LAMC3: variants seen among roughly 807,000 people sequenced by gnomAD.
LAMC3 encodes laminin subunit gamma 3, also known as laminin subunit gamma-3.
In LAMC3, 128 loss-of-function variants were observed where a neutral mutation model predicts 173.8. The observed-to-expected ratio is 0.74, with a 90% CI of 0.64 to 0.85. The LOEUF is 0.85. Ranked by LOEUF, LAMC3 falls within the 40% of genes least tolerant of loss-of-function variation. The pLI, the probability that LAMC3 is intolerant of heterozygous loss-of-function variation, is 0.00. For synonymous variants in LAMC3, 897 were observed against 909.1 expected (o/e 0.99, Z 0.24); for missense variants, 2,022 against 2,156.0 (o/e 0.94, Z 1.23).
In LAMC3 at chr9:131,010,202, A is replaced by G. The variant is rs939140414; in HGVS notation, c.373+615A>G. The stretch of plus-strand genomic sequence containing the variant: ...AAGCTGGGCGTGGTGGTGCACACCT[A>G]TGGTCCCAGCTACTCAAGAGGCTGA... On this transcript the variant is annotated intron_variant, in intron 1 of 27. Coordinates refer to ENST00000361069, the MANE Select transcript of LAMC3 (RefSeq NM_006059.4). Among the ~76,000 whole-genome samples, 19 of 149,908 alleles carry G rather than the reference A, an allele frequency of 1.3e-4. 1 individual carries two copies. Among genetic ancestry groups the G allele is most frequent in the South Asian group, 4.2e-4 (2 of 4,714 alleles).
intron 11 of LAMC3, among the ~76,000 whole-genome samples, chr9:131,054,003 TA>T (rs767164633): frequency 9.6e-4 from 125 of 130,196 alleles, no homozygotes; most frequent in South Asian, 3.7e-3. Flanking sequence ...ACCTTGTCTC[TA>T]AAAAAAAAAA....
chr9:131,052,791 C>T lies in LAMC3; in HGVS notation c.1824-59C>T, dbSNP rs549755308. 1.6e-5 allele frequency: 21 copies of T among 1,295,628 alleles called. No homozygotes were observed. In the African/African-American group the frequency reaches 2.5e-4, roughly 15 times the overall value. 80.3% of individuals were successfully genotyped at this position (1,295,628 alleles called of 1,614,324 possible). A position where few individuals can be genotyped will look rare whatever the true frequency, so the allele number is the denominator to read the frequency against. Reference sequence around the variant, plus strand: ...AGTCTGGGGGGCTACCCCCCATCCCCAGGCATGGTACCCCCCCACCCTATG... The same window carrying T: ...AGTCTGGGGGGCTACCCCCCATCCCTAGGCATGGTACCCCCCCACCCTATG... On this transcript the variant is annotated intron_variant, in intron 10 of 27. Coordinates refer to ENST00000361069, the MANE Select transcript of LAMC3 (RefSeq NM_006059.4).
intron 25 of LAMC3, among the ~76,000 whole-genome samples, chr9:131,086,575 C>CTTTTTTTTTTTTTTTTTTTTTTTTT (rs778812487): frequency 2.2e-5 from 2 of 92,476 alleles, no homozygotes; most frequent in Non-Finnish European, 4.0e-5. Context: ...GCCTGGCTAA[C>CTTTTTTTTTTTTTTTTTTTTTTTTT]TTTTTTTTTT....
intron 1 of LAMC3, among the ~76,000 whole-genome samples, chr9:131,022,385 G>A (rs1007818366): frequency 4.0e-5 from 6 of 151,510 alleles, no homozygotes; most frequent in African/African-American, 9.7e-5. Flanking sequence ...CGGCCAGCCC[G>A]AAAACTGACA....
chr9:131,071,667 AGGCCCC>A, intron 18 of LAMC3, 42 bp downstream of exon 18: 1 of 1,509,786 alleles, frequency 6.6e-7, no homozygotes, highest in Non-Finnish European at 8.9e-7. Flanking sequence ...AGGCAAGGGG[AGGCCCC>A]CAGCGCCTGC....
chr9:131,022,243 C>T (rs926559530), intron 1 of LAMC3, among the ~76,000 whole-genome samples: 4 of 151,614 alleles, frequency 2.6e-5, no homozygotes, highest in South Asian at 4.2e-4. Context: ...CACACACACA[C>T]ATATATATGT....
chr9:131,016,034 A>G (rs573826044), intron 1 of LAMC3, among the ~76,000 whole-genome samples: 1 of 152,336 alleles, frequency 6.6e-6, no homozygotes, highest in Admixed American at 6.5e-5. Flanking sequence ...AGCAAGAGCA[A>G]ATGTGGTCCA....
intron 1 of LAMC3, among the ~76,000 whole-genome samples, chr9:131,012,812 G>A (rs1473350862): frequency 6.6e-6 from 1 of 152,218 alleles, no homozygotes; most frequent in Admixed American, 6.5e-5. Context: ...GCTCTGGCCC[G>A]GGGTCTCCTA....
chr9:131,025,731 T>G (rs1285974556), intron 1 of LAMC3, among the ~76,000 whole-genome samples: 1 of 151,946 alleles, frequency 6.6e-6, no homozygotes. Context: ...TTGCAGGAGG[T>G]TGAAGGTTGA....
intron 19 of LAMC3, 83 bp downstream of exon 19, chr9:131,072,918 T>A: frequency 7.5e-7 from 1 of 1,331,314 alleles, no homozygotes; most frequent in South Asian, 1.3e-5. Flanking sequence ...CCTGGTGACC[T>A]TGGGTATGAC....
In LAMC3 at chr9:131,069,686, C is replaced by G. The variant is rs763902220; in HGVS notation, c.2905C>G (p.Pro969Ala). Residue 969 changes from proline to alanine, a missense_variant, in exon 17 of 28, where the codon CCA (proline) becomes GCA (alanine). By Grantham distance (27) the Pro-to-Ala change is conservative (BLOSUM62 -1). Transcript: ENST00000361069. ...GGCCCCTCTAGCCTGCAGGTGCTCC[C>G]CACTGGGCGCTGCCTCGGCCCAGTG... ...IKGCRACRCS[P>A]LGAASAQCHE... 1.9e-6 allele frequency: 3 copies of G among 1,589,874 alleles called. No individual in the cohort carries two copies. The highest frequency in any genetic ancestry group is 2.3e-5 in the East Asian group (1 of 43,400).
chr9:131,075,934 G>A lies in LAMC3; in HGVS notation c.3598G>A (p.Ala1200Thr), dbSNP rs946546291. Residue 1200 changes from alanine (A) to threonine (T), a missense_variant, in exon 21 of 28, where the codon GCC (alanine) becomes ACC (threonine). Ala to Thr is a moderately conservative substitution (Grantham distance 58). Coordinates refer to ENST00000361069, the MANE Select transcript of LAMC3 (RefSeq NM_006059.4). Reference protein sequence around the residue: ...LLWNLLEGRVALETQRDLEDR... With the variant: ...LLWNLLEGRVTLETQRDLEDR... ...CTGGAATCTGCTGGAGGGAAGGGTG[G>A]CCCTAGAGACCCAGCGGGACCTGGA... 1.9e-6 allele frequency: 3 copies of A among 1,610,262 alleles called. No individual in the cohort carries two copies. The highest frequency in any genetic ancestry group is 2.5e-6 in the Non-Finnish European group (3 of 1,177,648).
chr9:131,032,489 T>TCTCTCTCA (rs1833845049), intron 3 of LAMC3, among the ~76,000 whole-genome samples: 2 of 151,154 alleles, frequency 1.3e-5, no homozygotes, highest in Admixed American at 1.3e-4. Flanking sequence ...TTTCTCTCGC[T>TCTCTCTCA]CTCGCTCTCT....
intron 3 of LAMC3, among the ~76,000 whole-genome samples, chr9:131,032,830 G>A (rs1416301791): frequency 9.2e-5 from 14 of 152,190 alleles, no homozygotes; most frequent in Admixed American, 3.9e-4. Context: ...CACCACGCCC[G>A]GCTAATTTTG....
In LAMC3 at chr9:131,026,542, GA is replaced by G. The variant is rs1237840117; in HGVS notation, c.632del (p.Glu211GlyfsTer28). The G allele has an allele frequency of 6.2e-7, 1 of 1,610,222 alleles. No homozygotes were observed. Among genetic ancestry groups the G allele is most frequent in the Non-Finnish European group, 8.5e-7 (1 of 1,178,914 alleles). On this transcript the variant is annotated frameshift_variant, in exon 2 of 28. Transcript: ENST00000361069. LOFTEE classifies it high-confidence loss of function. The surrounding 1 kb of genome is among the most constrained non-coding windows in gnomAD (Gnocchi z 4.8). ...CGGCAACGTGGCCTTCTCCACCCTG[GA>G]GGGCCGGCCCAGCGCCTACAACTTC... ...SGGNVAFSTL[E>X]GRPSAYNFEE...
At chr9:131,063,061 C>G (rs1829861610) in intron 13 of LAMC3, among the ~76,000 whole-genome samples, 1 of 152,156 alleles carries the variant, frequency 6.6e-6, no homozygotes, top group African/African-American at 2.4e-5. Flanking sequence ...GATTCCTAGA[C>G]ATCTGATTTT....
In LAMC3 at chr9:131,016,174, G is replaced by A. The variant is rs140320756; in HGVS notation, c.373+6587G>A. Among the ~76,000 whole-genome samples, 860 of 152,302 alleles carry A rather than the reference G, an allele frequency of 5.6e-3. 9 individuals are homozygous for A. The highest frequency in any genetic ancestry group is 0.02 in the African/African-American group (816 of 41,550). On this transcript the variant is annotated intron_variant, in intron 1 of 27. Coordinates refer to ENST00000361069, the MANE Select transcript of LAMC3 (RefSeq NM_006059.4). ...AAAAGAACAAATACTGTAGGGTTCC[G>A]CTGATATGAGAGGCACCCTGGGATA...
intron 1 of LAMC3, among the ~76,000 whole-genome samples, chr9:131,018,378 C>T (rs548528988): frequency 6.6e-6 from 1 of 151,872 alleles, no homozygotes; most frequent in East Asian, 2.0e-4. Flanking sequence ...CAGGTGATCC[C>T]CCTGCCTCGG....
chr9:131,032,247 G>T, intron 3 of LAMC3, 72 bp downstream of exon 3: 1 of 471,800 alleles, frequency 2.1e-6, no homozygotes, highest in Non-Finnish European at 4.0e-6. Flanking sequence ...TGGCTGCTGT[G>T]GGGTGGGGGG....
Sources: allele counts gnomAD v4.1 joint callset (sites outside exome capture counted in the v4.1 genomes callset), GRCh38; gene constraint gnomAD v4.1.1; non-coding constraint Gnocchi (gnomAD v3.1); transcripts MANE v1.5; gene names NCBI Gene and HGNC (gene_info 2026-07-23, HGNC 2026-07-21).